CNOT4: variants seen among roughly 807,000 people sequenced by gnomAD.
The protein encoded by CNOT4 is CCR4-NOT transcription complex subunit 4.
In CNOT4, 8 loss-of-function variants were observed where a neutral mutation model predicts 73.8. The observed-to-expected ratio is 0.11, with a 90% CI of 0.06 to 0.20. The LOEUF (loss-of-function observed/expected upper bound fraction) is 0.20, where lower values mean the gene tolerates loss of function less well. CNOT4 is among the 10% of genes least tolerant of loss of function. CNOT4 has a pLI of 1.00. For missense variants in CNOT4, 564 were observed against 883.4 expected (o/e 0.64, Z 4.58); for synonymous variants, 293 against 321.1 (o/e 0.91, Z 0.94).
chr7:135,446,559 A>T, intron 1 of CNOT4, among the ~76,000 whole-genome samples: 1 of 152,288 alleles, frequency 6.6e-6, no homozygotes, highest in East Asian at 1.9e-4. Context: ...TTGCCAATCT[A>T]ATAGATGAAT....
At chr7:135,465,207 A>G (rs2129486478) in intron 1 of CNOT4, among the ~76,000 whole-genome samples, 1 of 152,308 alleles carries the variant, frequency 6.6e-6, no homozygotes, top group East Asian at 1.9e-4. Flanking sequence ...TATTTATATA[A>G]ATGTACAAAA....
chr7:135,450,594 T>C (rs918235813), intron 1 of CNOT4, among the ~76,000 whole-genome samples: 3 of 152,200 alleles, frequency 2.0e-5, no homozygotes, highest in African/African-American at 7.2e-5. Flanking sequence ...CCTCAAGTGA[T>C]CCACCTGCCT....
intron 1 of CNOT4, among the ~76,000 whole-genome samples, chr7:135,462,516 G>T (rs997947143): frequency 6.6e-6 from 1 of 152,158 alleles, no homozygotes; most frequent in Non-Finnish European, 1.5e-5. Context: ...GTTATCAACC[G>T]CATGTCACAA....
chr7:135,473,502 T>C (rs1801775164), intron 1 of CNOT4, among the ~76,000 whole-genome samples: 1 of 152,142 alleles, frequency 6.6e-6, no homozygotes, highest in East Asian at 1.9e-4. Context: ...AACCCCAACA[T>C]TTTGGAAGGC....
chr7:135,472,533 ATATATATATATATATATATATATAT>A (rs1801696291), intron 1 of CNOT4, among the ~76,000 whole-genome samples: 1 of 59,370 alleles, frequency 1.7e-5, no homozygotes, highest in African/African-American at 8.2e-5. Flanking sequence ...ATATATATAT[ATATATATATATATATATATATATAT>A]AAAGTGATCC....
chr7:135,502,538 G>A (rs970586298), intron 1 of CNOT4, among the ~76,000 whole-genome samples: 5 of 152,206 alleles, frequency 3.3e-5, no homozygotes, highest in Admixed American at 6.5e-5. Flanking sequence ...ATTAAGGCTG[G>A]GTGCAGTGGC....
chr7:135,488,656 T>A (rs1363359250), intron 1 of CNOT4, among the ~76,000 whole-genome samples: 2 of 152,198 alleles, frequency 1.3e-5, no homozygotes, highest in East Asian at 3.8e-4. Context: ...CAGACAAAAA[T>A]CTCTTTCCTC....
intron 3 of CNOT4, among the ~76,000 whole-genome samples, chr7:135,416,652 T>C (rs993426260): frequency 4.6e-5 from 7 of 152,188 alleles, no homozygotes; most frequent in East Asian, 3.8e-4. Flanking sequence ...ACCAGCGTCA[T>C]AGCTAAGATA....
At chr7:135,378,740 C>A (rs370256889) in intron 10 of CNOT4, among the ~76,000 whole-genome samples, 3 of 151,978 alleles carry the variant, frequency 2.0e-5, no homozygotes, top group East Asian at 3.9e-4. Context: ...AATCCCAGCA[C>A]TTTTGGTGGC....
intron 1 of CNOT4, among the ~76,000 whole-genome samples, chr7:135,460,113 T>C (rs138831790): frequency 8.5e-5 from 13 of 152,234 alleles, no homozygotes; most frequent in Non-Finnish European, 1.3e-4. Context: ...AGAGCTTTGC[T>C]CTGGATTAGG....
chr7:135,453,955 T>C (rs1288154617), intron 1 of CNOT4, among the ~76,000 whole-genome samples: 2 of 143,024 alleles, frequency 1.4e-5, no homozygotes, highest in South Asian at 2.2e-4. Context: ...CTGGGCAATA[T>C]GGCGAAACCC....
intron 1 of CNOT4, among the ~76,000 whole-genome samples, chr7:135,489,737 G>A (rs1802982900): frequency 6.6e-6 from 1 of 152,116 alleles, no homozygotes; most frequent in African/African-American, 2.4e-5. Flanking sequence ...CATATGGCTA[G>A]TGGGTACCAT....
chr7:135,393,645 A>T (rs1325064559), intron 10 of CNOT4, among the ~76,000 whole-genome samples: 2 of 152,092 alleles, frequency 1.3e-5, no homozygotes, highest in Admixed American at 1.3e-4. Context: ...TTCATTTTGC[A>T]TTTGTATACC....
At chr7:135,442,014 G>A (rs1173110316) in intron 1 of CNOT4, among the ~76,000 whole-genome samples, 2 of 152,180 alleles carry the variant, frequency 1.3e-5, no homozygotes, top group Non-Finnish European at 2.9e-5. Flanking sequence ...TGATGTGGTA[G>A]AACACTGCAA....
At chr7:135,415,015 A>G (rs557845966) in intron 4 of CNOT4, among the ~76,000 whole-genome samples, 161 bp downstream of exon 4, 165 of 152,168 alleles carry the variant, frequency 1.1e-3, no homozygotes, top group African/African-American at 2.7e-3. Context: ...AGGGTCAAAT[A>G]AGCAGCAAAA....
At chr7:135,505,743 A>C (rs1355176458) in intron 1 of CNOT4, among the ~76,000 whole-genome samples, 1 of 152,196 alleles carries the variant, frequency 6.6e-6, no homozygotes, top group East Asian at 1.9e-4. Flanking sequence ...CTAAAATCTA[A>C]GTACTAAAAT....
At chr7:135,427,165 T>C (rs1315985539) in intron 2 of CNOT4, among the ~76,000 whole-genome samples, 6 of 152,220 alleles carry the variant, frequency 3.9e-5, no homozygotes, top group Non-Finnish European at 8.8e-5. Context: ...TTGCAGTTTC[T>C]AGTGTAATTA....
chr7:135,450,982 A>T (rs1425462188), intron 1 of CNOT4, among the ~76,000 whole-genome samples: 1 of 152,138 alleles, frequency 6.6e-6, no homozygotes, highest in Non-Finnish European at 1.5e-5. Flanking sequence ...CCCTCCAGAA[A>T]AAGAGGGTAA....
At chr7:135,497,856 AAATATATGTTTAGTACTTAGACATT>A (rs1470211375) in intron 1 of CNOT4, among the ~76,000 whole-genome samples, 1 of 152,222 alleles carries the variant, frequency 6.6e-6, no homozygotes, top group African/African-American at 2.4e-5. Flanking sequence ...TGATTACTGA[AAATATATGTTTAGTACTTAGACATT>A]GTTTTACAAG....
Sources: allele counts gnomAD v4.1 joint callset (sites outside exome capture counted in the v4.1 genomes callset), GRCh38; gene constraint gnomAD v4.1.1; transcripts MANE v1.5; gene names NCBI Gene and HGNC (gene_info 2026-07-23, HGNC 2026-07-21).